The following YWHAB variants were observed in gnomAD, a reference collection of about 807,000 sequenced individuals.
YWHAB encodes tyrosine 3-monooxygenase/tryptophan 5-monooxygenase activation protein beta.
Under a neutral mutation model 28.5 loss-of-function variants are expected in YWHAB, and 2 were observed. The observed-to-expected ratio is 0.07, with a 90% CI of 0.03 to 0.22. The LOEUF (loss-of-function observed/expected upper bound fraction) is 0.22. YWHAB is among the 10% of genes least tolerant of loss of function. The pLI is 1.00. For synonymous variants in YWHAB, 103 were observed against 104.7 expected (o/e 0.98, Z 0.10); for missense variants, 148 against 297.1 (o/e 0.50, Z 3.69).
chr20:44,890,083 G>T (rs1195023338), intron 1 of YWHAB, among the ~76,000 whole-genome samples: 1 of 152,188 alleles, frequency 6.6e-6, no homozygotes, highest in African/African-American at 2.4e-5. Flanking sequence ...ATAAATGATG[G>T]ATGGATATTT....
At chr20:44,903,241 C>A in intron 2 of YWHAB, 1 of 275,956 alleles carries the variant, frequency 3.6e-6, no homozygotes, top group Non-Finnish European at 5.6e-6. Flanking sequence ...ATCATTATAA[C>A]TACCCTAGAA....
intron 1 of YWHAB, chr20:44,886,554 T>C (rs1390940623): frequency 6.6e-6 from 1 of 152,124 alleles, no homozygotes; most frequent in Non-Finnish European, 1.5e-5. Context: ...CAGGAAAAAA[T>C]ATCAGGGGGT....
At chr20:44,890,510 T>C (rs1260773440) in intron 1 of YWHAB, among the ~76,000 whole-genome samples, 1 of 135,442 alleles carries the variant, frequency 7.4e-6, no homozygotes, top group Non-Finnish European at 1.6e-5. Context: ...CTTTTTTTTT[T>C]TTTTTTTTTT....
chr20:44,888,833 A>G (rs137965472), intron 1 of YWHAB, among the ~76,000 whole-genome samples: 2 of 152,356 alleles, frequency 1.3e-5, no homozygotes, highest in African/African-American at 4.8e-5. Context: ...TTCATCTAAT[A>G]GAATTTGATT....
intron 1 of YWHAB, among the ~76,000 whole-genome samples, chr20:44,896,670 G>C (rs1364687775): frequency 6.6e-6 from 1 of 152,234 alleles, no homozygotes; most frequent in African/African-American, 2.4e-5. Flanking sequence ...GGGGGCTGTA[G>C]ATAATGAGTG....
intron 3 of YWHAB, 114 bp from the exon 4 acceptor site, chr20:44,904,854 G>A: frequency 9.8e-7 from 1 of 1,022,336 alleles, no homozygotes; most frequent in Non-Finnish European, 1.4e-6. Context: ...CACTTCATTT[G>A]ATAGGTCATT....
chr20:44,903,161 T>C (rs2066636922), intron 2 of YWHAB: 2 of 925,718 alleles, frequency 2.2e-6, no homozygotes, highest in Non-Finnish European at 2.6e-6. Context: ...ATTAATAGTA[T>C]TAGCTACTCT....
In YWHAB at chr20:44,901,653, C is replaced by T. The variant is rs766591292; in HGVS notation, c.120C>T (p.Asn40=). 4.3e-5 allele frequency: 69 copies of T among 1,613,702 alleles called. No individual in the cohort carries two copies. The highest frequency in any genetic ancestry group is 1.7e-4 in the Middle Eastern group (1 of 6,060). ...AVTEQGHELS[N]EERNLLSVAY... Reference sequence around the variant, plus strand: ...CAGAACAGGGGCATGAACTCTCCAACGAAGAGAGAAATCTGCTCTCTGTTG... The same window carrying T: ...CAGAACAGGGGCATGAACTCTCCAATGAAGAGAGAAATCTGCTCTCTGTTG... Residue 40 remains asparagine, a synonymous_variant, in exon 2 of 6, where the codon AAC becomes AAT. Coordinates refer to ENST00000353703, the MANE Select transcript of YWHAB (RefSeq NM_139323.4).
intron 1 of YWHAB, chr20:44,886,510 T>C (rs919260343): frequency 6.6e-6 from 1 of 152,228 alleles, no homozygotes; most frequent in African/African-American, 2.4e-5. Flanking sequence ...AAAATCTGTT[T>C]GTTGGAGCCG....
At chr20:44,889,462 C>CTT (rs11398883) in intron 1 of YWHAB, among the ~76,000 whole-genome samples, 60 of 145,008 alleles carry the variant, frequency 4.1e-4, no homozygotes, top group South Asian at 8.8e-4. Flanking sequence ...GGTTAGTTAA[C>CTT]TTTTTTTTTT....
intron 1 of YWHAB, among the ~76,000 whole-genome samples, chr20:44,894,612 T>C (rs773534223): frequency 3.9e-5 from 6 of 152,248 alleles, no homozygotes; most frequent in African/African-American, 9.6e-5. Flanking sequence ...TTCAAGCTTA[T>C]GGTTTTATGG....
intron 1 of YWHAB, among the ~76,000 whole-genome samples, chr20:44,895,903 C>A (rs1282357727): frequency 6.6e-6 from 1 of 152,210 alleles, no homozygotes; most frequent in Non-Finnish European, 1.5e-5. Flanking sequence ...ACTCTACCAA[C>A]TCTGCAGTTT....
chr20:44,888,538 A>G (rs889325251), intron 1 of YWHAB, among the ~76,000 whole-genome samples: 2 of 152,240 alleles, frequency 1.3e-5, no homozygotes, highest in Non-Finnish European at 2.9e-5. Flanking sequence ...AGATTTCTGC[A>G]TGTGGTAGAG....
intron 2 of YWHAB, 62 bp from the exon 3 acceptor site, chr20:44,903,929 ATC>A: frequency 6.5e-7 from 1 of 1,548,988 alleles, no homozygotes; most frequent in Non-Finnish European, 8.7e-7. Flanking sequence ...TATATCTTGA[ATC>A]TCAAACATAG....
At position 44,903,851 on chromosome 20, in the gene YWHAB, A is replaced by G; in HGVS notation, c.301-142A>G. The G allele has an allele frequency of 4.2e-6, 4 of 949,930 alleles. 1 individual carries two copies. In the South Asian group the frequency reaches 6.9e-5, roughly 16 times the overall value. 58.8% of individuals were successfully genotyped at this position (949,930 alleles called of 1,614,324 possible). ...GCTGTTATGACCTGGGCTAAACAAC[A>G]TTTAGTAGCTTGGATGAAAAATTGG... On this transcript the variant is annotated intron_variant, in intron 2 of 5. Transcript: ENST00000353703.
intron 2 of YWHAB, chr20:44,902,364 C>T (rs1425168949): frequency 6.5e-6 from 1 of 152,706 alleles, no homozygotes; most frequent in Non-Finnish European, 1.5e-5. Context: ...CTGTATTTTA[C>T]ATAAACCCTT....
chr20:44,896,043 A>G (rs1157993300), intron 1 of YWHAB, among the ~76,000 whole-genome samples: 1 of 152,212 alleles, frequency 6.6e-6, no homozygotes, highest in African/African-American at 2.4e-5. Context: ...GACACTATGT[A>G]AGTAATTTTA....
intron 1 of YWHAB, 86 bp from the exon 2 acceptor site, chr20:44,901,445 A>T: frequency 7.4e-7 from 1 of 1,359,244 alleles, no homozygotes; most frequent in Non-Finnish European, 1.0e-6. Context: ...GCTGCTTTCC[A>T]GATGGGTTGG....
chr20:44,901,483 C>A, intron 1 of YWHAB, 48 bp from the exon 2 acceptor site: 2 of 1,523,742 alleles, frequency 1.3e-6, no homozygotes, highest in South Asian at 1.3e-5. Context: ...TTTCCTAGGC[C>A]CCGAAACCTG....
Sources: allele counts gnomAD v4.1 joint callset (sites outside exome capture counted in the v4.1 genomes callset), GRCh38; gene constraint gnomAD v4.1.1; transcripts MANE v1.5; gene names NCBI Gene and HGNC (gene_info 2026-07-23, HGNC 2026-07-21).